Variants in GFY observed in about 807,000 individuals in gnomAD.
The protein encoded by GFY is Golgi-associated olfactory signaling regulator.
A neutral mutation model predicts 29.1 loss-of-function variants in GFY; 28 were observed. That is an observed-to-expected ratio of 0.96 (90% CI 0.71 to 1.32). GFY has a LOEUF of 1.32. Among genes scored for constraint, GFY ranks in the 40% most tolerant of loss-of-function variants. The probability of loss-of-function intolerance (pLI) is 0.00; values close to 1 mark genes in which losing one functional copy is unlikely to be tolerated. For synonymous variants in GFY, 277 were observed against 274.5 expected, an observed-to-expected ratio of 1.01 and a Z score of -0.09; for missense variants, 656 against 661.9, an observed-to-expected ratio of 0.99 and a Z score of 0.10.
Position 49,428,130 on chromosome 19 carries a change from T to G in GFY, c.1357+11T>G. On this transcript the variant is annotated intron_variant, in intron 3 of 3. Coordinates refer to ENST00000610896, the MANE Select transcript of GFY (RefSeq NM_001195256.2). ...ACGGAGATGAACCGGGTGAGCGCCC[T>G]GCCCCTTGAATGCCTGCACTTTTCC... 6.5e-7 allele frequency: 1 copy of G among 1,526,934 alleles called. No individual in the cohort carries two copies. Among genetic ancestry groups the G allele is most frequent in the Non-Finnish European group, 8.8e-7 (1 of 1,139,202 alleles). The allele number at this position is 1,526,934 out of a possible 1,614,324, so 94.6% of individuals were successfully genotyped here. A position where few individuals can be genotyped will look rare whatever the true frequency, so the allele number is the denominator to read the frequency against.
chr19:49,426,898 C>T lies in GFY; in HGVS notation c.468C>T (p.Asn156=), dbSNP rs1258802296. The part of the protein sequence containing the change: ...HPGSPETPKP[N]FSKTSRPEFP... ...GATCCCCTGAGACCCCCAAACCTAACTTCTCCAAAACTTCACGCCCAGAAT... is the reference window on the plus strand; with the variant it reads ...GATCCCCTGAGACCCCCAAACCTAATTTCTCCAAAACTTCACGCCCAGAAT... Residue 156 remains asparagine (N), a synonymous_variant, in exon 2 of 4, where the codon AAC becomes AAT. Transcript: ENST00000610896. 5.2e-6 allele frequency: 8 copies of T among 1,535,806 alleles called. No homozygotes were observed. In the South Asian group the frequency reaches 6.0e-5, roughly 11 times the overall value.
At chr19:49,428,487 G>C (rs2078943527) in intron 3 of GFY, 132 bp from the exon 4 acceptor site, 1 of 691,120 alleles carries the variant, frequency 1.4e-6, no homozygotes. Context: ...TGAAAACTCA[G>C]TTCAAATGCA....
At chr19:49,425,645 C>T (rs1326117538) in intron 1 of GFY, among the ~76,000 whole-genome samples, 156 bp downstream of exon 1, 1 of 152,122 alleles carries the variant, frequency 6.6e-6, no homozygotes. Context: ...AGAGTCCTGC[C>T]CCAAAGCTCT....
At position 49,428,103 on chromosome 19, in the gene GFY, C is replaced by A. The variant is rs1475877509; in HGVS notation, c.1341C>A (p.Asp447Glu). The A allele has an allele frequency of 4.6e-6, 7 of 1,532,886 alleles. No homozygotes were observed. The highest frequency in any genetic ancestry group is 2.5e-5 in the East Asian group (1 of 40,810). 95.0% of individuals were successfully genotyped at this position (1,532,886 alleles called of 1,614,324 possible). The change falls in exon 3 of 4, where the codon GAC becomes GAA. Residue 447 changes from aspartate (D) to glutamate (E), a missense_variant. By Grantham distance (45) the Asp-to-Glu change is conservative. Transcript: ENST00000610896. ...CCTTCGCACATCACCGGCTTCCGGA[C>A]GACGGAGATGAACCGGGTGAGCGCC... Reference protein sequence around the residue: ...QRPFAHHRLPDDGDEPVLHLD... With the variant: ...QRPFAHHRLPEDGDEPVLHLD...
In GFY at chr19:49,427,207, A is replaced by G. The variant is rs755785156; in HGVS notation, c.777A>G (p.Thr259=). The G allele has an allele frequency of 5.2e-6, 8 of 1,536,002 alleles. No individual in the cohort carries two copies. Among genetic ancestry groups the G allele is most frequent in the South Asian group, 4.8e-5 (4 of 84,036 alleles). Residue 259 remains threonine (T), a synonymous_variant, in exon 2 of 4, where the codon ACA becomes ACG. Coordinates refer to ENST00000610896, the MANE Select transcript of GFY (RefSeq NM_001195256.2). Reference sequence around the variant, plus strand: ...CCAGCCCCACCGAAATTTCCCAAACAGAATTCCCCACAACCTACTACCAAA... The same window carrying G: ...CCAGCCCCACCGAAATTTCCCAAACGGAATTCCCCACAACCTACTACCAAA... The part of the protein sequence containing the change: ...HNPSPTEISQ[T]EFPTTYYQNA...
chr19:49,426,568 G>A lies in GFY; in HGVS notation c.138G>A (p.Lys46=), dbSNP rs1345582604. Residue 46 remains lysine (K), a synonymous_variant, in exon 2 of 4, where the codon AAG becomes AAA. Coordinates refer to ENST00000610896, the MANE Select transcript of GFY (RefSeq NM_001195256.2). ...MAHPSETSPL[K]GASENSKRDR... is the part of the protein sequence containing the mutation. ...ACCCCTCTGAGACTTCCCCTCTGAA[G>A]GGTGCTTCTGAAAATTCCAAACGAG... 2 of 1,535,990 alleles carry A rather than the reference G, an allele frequency of 1.3e-6. No homozygotes were observed. The highest frequency in any genetic ancestry group is 1.4e-5 in the African/African-American group (1 of 73,084).
At chr19:49,427,872 G>A in intron 2 of GFY, 74 bp from the exon 3 acceptor site, 6 of 1,461,596 alleles carry the variant, frequency 4.1e-6, no homozygotes, top group Non-Finnish European at 4.6e-6. Flanking sequence ...GAGGGAGGAG[G>A]GGCTAGGAGC....
At chr19:49,424,236 TTG>T (rs1358337797), upstream of GFY, among the ~76,000 whole-genome samples, 1 of 151,856 alleles carries the variant, frequency 6.6e-6, no homozygotes, top group African/African-American at 2.4e-5. Context: ...CTGACTCTTT[TTG>T]TGTGTGTGTG....
In GFY at chr19:49,426,728, G is replaced by A; in HGVS notation, c.298G>A (p.Glu100Lys). ...TGACCTCCGAGAAACCCCGCACCCA[G>A]AGTCTCCTGAGACCCCCAAAGCTGA... is the stretch of plus-strand genomic sequence containing the variant. ...NPDLRETPHP[E>K]SPETPKADSL... Residue 100 changes from glutamate to lysine, a missense_variant, in exon 2 of 4, where the codon GAG (glutamate) becomes AAG (lysine). Transcript: ENST00000610896. 1 of 1,534,114 alleles carries A rather than the reference G, an allele frequency of 6.5e-7. No individual in the cohort carries two copies. The highest frequency in any genetic ancestry group is 2.5e-5 in the East Asian group (1 of 40,806).
rs1397033854 is a variant in GFY, at chr19:49,428,800, C to A, written c.1539C>A (p.Leu513=). The change falls in exon 4 of 4, where the codon CTC becomes CTA. Residue 513 remains leucine (L), a synonymous_variant. Coordinates refer to ENST00000610896, the MANE Select transcript of GFY (RefSeq NM_001195256.2). ...TGGAGGCCCTGTCCCCCGCCACGCT[C>A]CCCAACAACTTCGTGTGAGCCCCAC... ...QRLEALSPAT[L]PNNFV is the part of the protein sequence containing the mutation. 8 of 1,460,108 alleles carry A rather than the reference C, an allele frequency of 5.5e-6. No homozygotes were observed. The highest frequency in any genetic ancestry group is 7.2e-6 in the Non-Finnish European group (8 of 1,108,148). 90.4% of individuals were successfully genotyped at this position (1,460,108 alleles called of 1,614,324 possible).
chr19:49,424,662 C>A (rs532738501), upstream of GFY, among the ~76,000 whole-genome samples: 1 of 152,082 alleles, frequency 6.6e-6, no homozygotes, highest in East Asian at 2.0e-4. Context: ...ACCAGACTGG[C>A]CAACATGGCG....
chr19:49,426,556 T>C lies in GFY; in HGVS notation c.126T>C (p.Thr42=). 1 of 1,536,086 alleles carries C rather than the reference T, an allele frequency of 6.5e-7. No homozygotes were observed. The highest frequency in any genetic ancestry group is 1.2e-5 in the South Asian group (1 of 84,058). Residue 42 remains threonine (T), a synonymous_variant, in exon 2 of 4, where the codon ACT becomes ACC. Coordinates refer to ENST00000610896, the MANE Select transcript of GFY (RefSeq NM_001195256.2). ...GFPDMAHPSE[T]SPLKGASENS... is the part of the protein sequence containing the mutation. ...CGGACATGGCCCACCCCTCTGAGAC[T>C]TCCCCTCTGAAGGGTGCTTCTGAAA... is the stretch of plus-strand genomic sequence containing the variant.
upstream of GFY, chr19:49,425,367 G>C (rs867998459): frequency 6.6e-6 from 1 of 152,060 alleles, no homozygotes. Context: ...AGGGGGTGAG[G>C]TGCGTCACCT....
chr19:49,426,350 G>C, intron 1 of GFY, 60 bp from the exon 2 acceptor site: 2 of 1,444,208 alleles, frequency 1.4e-6, no homozygotes, highest in Non-Finnish European at 1.8e-6. Context: ...GCCTCCGGGA[G>C]TGGGCGGGGC....
At chr19:49,425,860 A>C (rs1293551075) in intron 1 of GFY, among the ~76,000 whole-genome samples, 1 of 152,056 alleles carries the variant, frequency 6.6e-6, no homozygotes, top group Non-Finnish European at 1.5e-5. Context: ...CTCTCTAAAG[A>C]ACCAGGAGCC....
chr19:49,427,907 AG>A, intron 2 of GFY, 38 bp from the exon 3 acceptor site: 2 of 1,512,146 alleles, frequency 1.3e-6, no homozygotes, highest in Non-Finnish European at 1.8e-6. Flanking sequence ...CTGAGAGAGG[AG>A]GGGGTTAGGA....
Position 49,427,393 on chromosome 19 carries a change from G to C in GFY, c.963G>C (p.Leu321Phe). Residue 321 changes from leucine to phenylalanine, a missense_variant, in exon 2 of 4, where the codon TTG (leucine) becomes TTC (phenylalanine). Physicochemically the swap from Leu to Phe is conservative, Grantham distance 22. Transcript: ENST00000610896. ...PAAIQPDSPK[L>F]PTSDSPGMVE... Reference sequence around the variant, plus strand: ...CCATCCAGCCCGACTCCCCAAAATTGCCCACTTCAGATTCTCCAGGAATGG... The same window carrying C: ...CCATCCAGCCCGACTCCCCAAAATTCCCCACTTCAGATTCTCCAGGAATGG... 6.5e-7 allele frequency: 1 copy of C among 1,535,982 alleles called. No homozygotes were observed. Among genetic ancestry groups the C allele is most frequent in the South Asian group, 1.2e-5 (1 of 84,040 alleles).
rs1568631715 is a variant in GFY at position 49,427,239 on chromosome 19, CA to C, written c.810del (p.Asp271MetfsTer29). On this transcript the variant is annotated frameshift_variant, in exon 2 of 4. Transcript: ENST00000610896. LOFTEE classifies it high-confidence loss of function. ...EFPTTYYQNATDVPRTSDPQI... is the reference protein window; with the variant it reads ...EFPTTYYQNAXDVPRTSDPQI... ...CCCACAACCTACTACCAAAATGCAACAGATGTACCCAGGACCTCCGACCCTC... is the reference window on the plus strand; with the variant it reads ...CCCACAACCTACTACCAAAATGCAACGATGTACCCAGGACCTCCGACCCTC... 5.9e-6 allele frequency: 9 copies of C among 1,536,124 alleles called. No homozygotes were observed. The highest frequency in any genetic ancestry group is 7.0e-6 in the Non-Finnish European group (8 of 1,146,904).
upstream of GFY, among the ~76,000 whole-genome samples, chr19:49,424,639 T>C (rs573306058): frequency 9.4e-5 from 14 of 149,430 alleles, no homozygotes; most frequent in South Asian, 9.1e-4. Flanking sequence ...TCACTTGAGG[T>C]CAGGAGTTCG....
Sources: gnomAD v4.1 joint callset for allele counts (sites outside exome capture counted in the v4.1 genomes callset) on GRCh38, gnomAD v4.1.1 for gene constraint, MANE v1.5 for transcripts, NCBI Gene and HGNC (gene_info 2026-07-23, HGNC 2026-07-21) for gene names.